SPAG16: variants seen among roughly 807,000 people sequenced by gnomAD.
SPAG16 encodes sperm associated antigen 16.
A neutral mutation model predicts 80.4 loss-of-function variants in SPAG16; 86 were observed. The observed-to-expected ratio is 1.07, with a 90% CI of 0.90 to 1.28. The LOEUF (loss-of-function observed/expected upper bound fraction) is 1.28, where lower values mean the gene tolerates loss of function less well. Ranked by LOEUF, SPAG16 falls within the 50% of genes most tolerant of loss-of-function variation. SPAG16 has a pLI of 0.00. For synonymous variants in SPAG16, 294 were observed against 265.9 expected (o/e 1.11, Z -1.03); for missense variants, 870 against 765.3 (o/e 1.14, Z -1.61).
At chr2:213,940,718 T>A (rs374830935) in intron 12 of SPAG16, among the ~76,000 whole-genome samples, 4 of 152,334 alleles carry the variant, frequency 2.6e-5, no homozygotes, top group African/African-American at 9.6e-5. Flanking sequence ...TCATAAATTA[T>A]GTATCTGCAC....
intron 13 of SPAG16, among the ~76,000 whole-genome samples, chr2:214,093,700 A>G (rs912079702): frequency 6.6e-6 from 1 of 152,054 alleles, no homozygotes; most frequent in Non-Finnish European, 1.5e-5. Context: ...ATAGCTATTA[A>G]CTTAATGCTC....
chr2:214,203,339 C>T (rs2125725080), intron 15 of SPAG16, among the ~76,000 whole-genome samples: 1 of 152,236 alleles, frequency 6.6e-6, no homozygotes, highest in South Asian at 2.1e-4. Context: ...TTTCAGCTCC[C>T]ACTCCAGTGG....
intron 15 of SPAG16, among the ~76,000 whole-genome samples, chr2:214,394,497 C>T (rs575788651): frequency 5.3e-5 from 8 of 152,276 alleles, no homozygotes; most frequent in African/African-American, 1.9e-4. Context: ...AGGATAATAT[C>T]ATCCTAAGAG....
intron 10 of SPAG16, among the ~76,000 whole-genome samples, chr2:213,547,459 G>A (rs1198230863): frequency 6.6e-6 from 1 of 152,100 alleles, no homozygotes; most frequent in Non-Finnish European, 1.5e-5. Flanking sequence ...GCTCTTAAAT[G>A]TCAGTACTTT....
chr2:213,722,700 C>T (rs13004031), intron 10 of SPAG16, among the ~76,000 whole-genome samples: 2 of 152,026 alleles, frequency 1.3e-5, no homozygotes, highest in African/African-American at 4.8e-5. Flanking sequence ...AGATACAAGA[C>T]AGATATGACA....
chr2:213,718,474 T>C (rs555357517), intron 10 of SPAG16, among the ~76,000 whole-genome samples: 11 of 152,220 alleles, frequency 7.2e-5, no homozygotes, highest in African/African-American at 2.6e-4. Flanking sequence ...TCCCTCAGCT[T>C]TCAGGGAGGT....
At chr2:213,876,821 T>C (rs897577129) in intron 11 of SPAG16, among the ~76,000 whole-genome samples, 2 of 152,168 alleles carry the variant, frequency 1.3e-5, no homozygotes, top group African/African-American at 4.8e-5. Context: ...ATTTCAGTAT[T>C]AGGGTCCTCG....
intron 14 of SPAG16, among the ~76,000 whole-genome samples, chr2:214,114,965 T>C (rs912664454): frequency 1.3e-5 from 2 of 152,212 alleles, no homozygotes; most frequent in African/African-American, 2.4e-5. Flanking sequence ...ATGTTTTTAT[T>C]TGCACACTTT....
intron 9 of SPAG16, among the ~76,000 whole-genome samples, chr2:213,412,573 G>GT (rs1360334827): frequency 6.6e-6 from 1 of 152,108 alleles, no homozygotes; most frequent in African/African-American, 2.4e-5. Flanking sequence ...ATTAATTTCT[G>GT]TAAGTTAATT....
intron 12 of SPAG16, among the ~76,000 whole-genome samples, chr2:213,982,311 T>C (rs1411458701): frequency 1.3e-5 from 2 of 152,050 alleles, no homozygotes; most frequent in African/African-American, 4.8e-5. Flanking sequence ...AAAATAGTCT[T>C]TCTAATATTT....
At chr2:214,210,267 G>C (rs1314951814) in intron 15 of SPAG16, among the ~76,000 whole-genome samples, 1 of 137,434 alleles carries the variant, frequency 7.3e-6, no homozygotes, top group African/African-American at 2.4e-5. Context: ...GAACTATGAG[G>C]TCCACTTATA....
intron 13 of SPAG16, among the ~76,000 whole-genome samples, chr2:214,034,808 T>G (rs1029302666): frequency 1.4e-4 from 21 of 152,156 alleles, no homozygotes; most frequent in Admixed American, 7.2e-4. Context: ...TGGGCTCCCC[T>G]AAGGGCTGCA....
rs557061974 is a variant in SPAG16, at chr2:213,489,304, C to T, written c.943-659C>T. Among the ~76,000 whole-genome samples, 9 of 151,860 alleles carry T rather than the reference C, an allele frequency of 5.9e-5. No homozygotes were observed. The South Asian group carries it at 1.9e-3, about 32-fold the overall frequency. On this transcript the variant is annotated intron_variant, in intron 9 of 15. Transcript: ENST00000331683. ...GCTTATTTGTAGCATGTCTTTTTTC[C>T]ACTGAGGAAGGACTACTTTCTCATG... is the stretch of plus-strand genomic sequence containing the variant.
intron 9 of SPAG16, among the ~76,000 whole-genome samples, chr2:213,434,752 TATGTCATCTG>T (rs2070522978): frequency 6.6e-6 from 1 of 152,198 alleles, no homozygotes; most frequent in Non-Finnish European, 1.5e-5. Flanking sequence ...ACCACAATGA[TATGTCATCTG>T]ACGTAAGTCA....
At position 213,499,114 on chromosome 2, in the gene SPAG16, T is replaced by A. The variant is rs546305402; in HGVS notation, c.1070+9024T>A. 3.5e-4 allele frequency among the ~76,000 whole-genome samples: 54 copies of A among 152,288 alleles called. No homozygotes were observed. In the South Asian group the frequency reaches 0.011, roughly 30 times the overall value. On this transcript the variant is annotated intron_variant, in intron 10 of 15. Coordinates refer to ENST00000331683, the MANE Select transcript of SPAG16 (RefSeq NM_024532.5). Reference sequence around the variant, plus strand: ...TTTTTTTTCTAGTTCTATTGTGTCCTTTGCTTCTGCACCCCTTATGCTCTA... The same window carrying A: ...TTTTTTTTCTAGTTCTATTGTGTCCATTGCTTCTGCACCCCTTATGCTCTA...
At chr2:214,226,131 T>C (rs1005632947) in intron 15 of SPAG16, among the ~76,000 whole-genome samples, 5 of 152,148 alleles carry the variant, frequency 3.3e-5, no homozygotes, top group Non-Finnish European at 5.9e-5. Context: ...GAAGCACTTA[T>C]GATTTCTCAT....
At chr2:213,915,906 A>T (rs943143772) in intron 11 of SPAG16, among the ~76,000 whole-genome samples, 4 of 152,170 alleles carry the variant, frequency 2.6e-5, no homozygotes, top group African/African-American at 7.2e-5. Flanking sequence ...TGTTGGCTGC[A>T]TAAATATCTT....
rs994072415 is a variant in SPAG16, at chr2:213,716,048, A to G, written c.1071-146437A>G. Reference sequence around the variant, plus strand: ...AGGCCTATAACAAAGATTTCATGGGAATTTTCTACATTTTTATTTTCTAAT... The same window carrying G: ...AGGCCTATAACAAAGATTTCATGGGGATTTTCTACATTTTTATTTTCTAAT... On this transcript the variant is annotated intron_variant, in intron 10 of 15. Coordinates refer to ENST00000331683, the MANE Select transcript of SPAG16 (RefSeq NM_024532.5). 7.2e-5 allele frequency among the ~76,000 whole-genome samples: 11 copies of G among 152,056 alleles called. No individual in the cohort carries two copies. The South Asian group carries it at 1.2e-3, about 17-fold the overall frequency.
chr2:214,328,263 C>T (rs1265451252), intron 15 of SPAG16, among the ~76,000 whole-genome samples: 1 of 151,870 alleles, frequency 6.6e-6, no homozygotes, highest in Non-Finnish European at 1.5e-5. Flanking sequence ...TCAAGTGATT[C>T]CCCTGCCTCA....
Sources: allele counts gnomAD v4.1 joint callset (sites outside exome capture counted in the v4.1 genomes callset), GRCh38; gene constraint gnomAD v4.1.1; transcripts MANE v1.5; gene names NCBI Gene and HGNC (gene_info 2026-07-23, HGNC 2026-07-21).